The following UBE3C variants were observed in gnomAD, a reference collection of about 807,000 sequenced individuals.
UBE3C encodes the protein ubiquitin protein ligase E3C.
In UBE3C, 42 loss-of-function variants were observed where a neutral mutation model predicts 129.4. That is an observed-to-expected ratio of 0.32 (90% CI 0.25 to 0.42). UBE3C has a LOEUF of 0.42. UBE3C is among the 10% of genes least tolerant of loss of function. The probability of loss-of-function intolerance (pLI) is 1.00; values close to 1 mark genes in which losing one functional copy is unlikely to be tolerated. For missense variants in UBE3C, 1,049 were observed against 1,319.1 expected, an observed-to-expected ratio of 0.80 and a Z score of 3.17; for synonymous variants, 510 against 492.4, an observed-to-expected ratio of 1.04 and a Z score of -0.47.
intron 4 of UBE3C, among the ~76,000 whole-genome samples, chr7:157,172,250 G>A (rs1368467846): frequency 6.6e-6 from 1 of 151,582 alleles, no homozygotes; most frequent in Non-Finnish European, 1.5e-5. Flanking sequence ...GGCCAGGCTG[G>A]TCTGTACTCC....
chr7:157,198,475 CCTG>C (rs1809185884), intron 10 of UBE3C: 2 of 454,706 alleles, frequency 4.4e-6, no homozygotes, highest in East Asian at 9.4e-5. Flanking sequence ...GATCTCCTCT[CCTG>C]CTCACCGAGC....
At chr7:157,159,137 C>T (rs1345539589) in intron 1 of UBE3C, among the ~76,000 whole-genome samples, 1 of 152,214 alleles carries the variant, frequency 6.6e-6, no homozygotes, top group Non-Finnish European at 1.5e-5. Flanking sequence ...AGGAAAGTCT[C>T]TCTCTCCTTG....
intron 22 of UBE3C, among the ~76,000 whole-genome samples, chr7:157,257,946 CTT>C (rs755192643): frequency 2.7e-4 from 37 of 135,846 alleles, no homozygotes; most frequent in Admixed American, 3.0e-4. Flanking sequence ...TTCCTTTTTT[CTT>C]TTTTTTTTTT....
chr7:157,221,865 T>G (rs747238586), intron 15 of UBE3C: 3 of 152,260 alleles, frequency 2.0e-5, no homozygotes, highest in Non-Finnish European at 4.4e-5. Context: ...TGTTGTGTTT[T>G]CTTGGTTGTT....
At chr7:157,169,374 T>C (rs995873120) in intron 3 of UBE3C, among the ~76,000 whole-genome samples, 2 of 93,822 alleles carry the variant, frequency 2.1e-5, no homozygotes, top group Middle Eastern at 6.6e-3. Context: ...TGAGAGATCC[T>C]TTTTTTTTTT....
intron 1 of UBE3C, among the ~76,000 whole-genome samples, chr7:157,146,008 T>G (rs1017817189): frequency 6.6e-6 from 1 of 152,174 alleles, no homozygotes; most frequent in African/African-American, 2.4e-5. Flanking sequence ...TAACCTAGAT[T>G]TTCTCGTATT....
intron 11 of UBE3C, among the ~76,000 whole-genome samples, chr7:157,205,109 AC>A (rs2116999683): frequency 6.6e-6 from 1 of 152,328 alleles, no homozygotes; most frequent in African/African-American, 2.4e-5. Flanking sequence ...TTTGAGACTG[AC>A]CTGTTTTCAG....
chr7:157,142,278 G>A (rs1041267528), intron 1 of UBE3C, among the ~76,000 whole-genome samples: 15 of 152,102 alleles, frequency 9.9e-5, no homozygotes, highest in Non-Finnish European at 1.9e-4. Context: ...GAGCTTAGTG[G>A]AAAATGGAGT....
chr7:157,149,062 T>G (rs1035520062), intron 1 of UBE3C, among the ~76,000 whole-genome samples: 2 of 152,008 alleles, frequency 1.3e-5, no homozygotes, highest in Non-Finnish European at 2.9e-5. Flanking sequence ...AAGAATTCTT[T>G]TTTTGTTTTT....
rs143113172 is a variant in UBE3C at position 157,197,186 on chromosome 7, A to G, written c.1332-4535A>G. Among the ~76,000 whole-genome samples the G allele has an allele frequency of 2.8e-3, 424 of 152,344 alleles. 5 individuals carry two copies. The highest frequency in any genetic ancestry group is 9.8e-3 in the African/African-American group (406 of 41,584). On this transcript the variant is annotated intron_variant, in intron 10 of 22. Coordinates refer to ENST00000348165, the MANE Select transcript of UBE3C (RefSeq NM_014671.3). Reference sequence around the variant, plus strand: ...CACTTTTCAGTATTTACTACAGACAAATTTTCAACTTATTTGATCAAAAGA... The same window carrying G: ...CACTTTTCAGTATTTACTACAGACAGATTTTCAACTTATTTGATCAAAAGA...
chr7:157,220,570 C>A, intron 14 of UBE3C, 119 bp from the exon 15 acceptor site: 1 of 1,099,828 alleles, frequency 9.1e-7, no homozygotes, highest in Non-Finnish European at 1.3e-6. Flanking sequence ...GGTATGAGGT[C>A]AGAGAGAGGG....
chr7:157,242,876 G>A (rs1796378620), intron 18 of UBE3C, among the ~76,000 whole-genome samples: 1 of 152,094 alleles, frequency 6.6e-6, no homozygotes, highest in Non-Finnish European at 1.5e-5. Context: ...CCAACATGGT[G>A]AAACCCCGTC....
chr7:157,145,825 A>G (rs1378226013), intron 1 of UBE3C, among the ~76,000 whole-genome samples: 1 of 152,222 alleles, frequency 6.6e-6, no homozygotes, highest in Admixed American at 6.5e-5. Context: ...TAGAGTCCTC[A>G]AAACCTCCTC....
intron 18 of UBE3C, among the ~76,000 whole-genome samples, chr7:157,233,639 A>T (rs1796080818): frequency 6.6e-6 from 1 of 152,152 alleles, no homozygotes; most frequent in African/African-American, 2.4e-5. Context: ...TTGCATTGGG[A>T]ATTTGCATTG....
chr7:157,195,206 A>C (rs188537918), intron 10 of UBE3C, among the ~76,000 whole-genome samples: 1 of 152,308 alleles, frequency 6.6e-6, no homozygotes, highest in East Asian at 1.9e-4. Flanking sequence ...TAGAGACGGG[A>C]TTTTCCAGGA....
chr7:157,267,696 CTT>C lies in UBE3C; in HGVS notation c.3196_3197del (p.Leu1066AlafsTer3). The C allele has an allele frequency of 1.2e-6, 2 of 1,613,512 alleles. No individual in the cohort carries two copies. The highest frequency in any genetic ancestry group is 1.7e-6 in the Non-Finnish European group (2 of 1,179,816). The stretch of plus-strand genomic sequence containing the variant: ...GCTCCCCGAGTTCTATGACGAGACA[CTT>C]TTGCGAAGTAAACTTCTCTATGCGA... Reference protein sequence around the residue: ...LKLPEFYDETLLRSKLLYAIE... With the variant: ...LKLPEFYDETXLRSKLLYAIE... On this transcript the variant is annotated frameshift_variant, in exon 23 of 23. Transcript: ENST00000348165. LOFTEE classifies it high-confidence loss of function.
chr7:157,264,565 A>G (rs189025912), intron 22 of UBE3C, among the ~76,000 whole-genome samples: 24 of 150,250 alleles, frequency 1.6e-4, no homozygotes, highest in East Asian at 3.9e-4. Context: ...CAACATGCTC[A>G]GCCTGTTACA....
rs1238577118 is a variant in UBE3C at position 157,256,984 on chromosome 7, A to G, written c.3021A>G (p.Glu1007=). 1.9e-6 allele frequency: 3 copies of G among 1,614,086 alleles called. No homozygotes were observed. In the African/African-American group the frequency reaches 4.0e-5, roughly 22 times the overall value. ...TTGTGGAAGGGTTCACTGATGAAGA[A>G]AAGCGCAAACTGCTGAAGTTTGTAA... ...WRVVEGFTDE[E]KRKLLKFVTS... Residue 1007 remains glutamate, a synonymous_variant, in exon 22 of 23, where the codon GAA becomes GAG. Transcript: ENST00000348165.
intron 1 of UBE3C, among the ~76,000 whole-genome samples, chr7:157,142,607 A>G (rs1251307255): frequency 6.6e-6 from 1 of 152,094 alleles, no homozygotes. Flanking sequence ...ATTGGATTAC[A>G]TTGATTCAAA....
Sources: allele counts gnomAD v4.1 joint callset (sites outside exome capture counted in the v4.1 genomes callset), GRCh38; gene constraint gnomAD v4.1.1; transcripts MANE v1.5; gene names NCBI Gene and HGNC (gene_info 2026-07-23, HGNC 2026-07-21).